The following GPC5 variants were observed in gnomAD, a reference collection of about 807,000 sequenced individuals.
The protein encoded by GPC5 is glypican-5.
In GPC5, 47 loss-of-function variants were observed where a neutral mutation model predicts 53.9. That is an observed-to-expected ratio of 0.87 (90% CI 0.69 to 1.11). The LOEUF (loss-of-function observed/expected upper bound fraction) is 1.11, where lower values mean the gene tolerates loss of function less well. Ranked by LOEUF, GPC5 falls within the 50% of genes most tolerant of loss-of-function variation. The probability of loss-of-function intolerance (pLI) is 0.00; values close to 1 mark genes in which losing one functional copy is unlikely to be tolerated. For missense variants in GPC5, 748 were observed against 713.1 expected (o/e 1.05, Z -0.56); for synonymous variants, 286 against 263.3 (o/e 1.09, Z -0.84).
At position 91,652,571 on chromosome 13, in the gene GPC5, A is replaced by T. The variant is rs112897375; in HGVS notation, c.326-40616A>T. 2.1e-3 allele frequency among the ~76,000 whole-genome samples: 321 copies of T among 152,290 alleles called. 2 individuals carry two copies. The highest frequency in any genetic ancestry group is 7.1e-3 in the African/African-American group (297 of 41,564). On this transcript the variant is annotated intron_variant, in intron 2 of 7. Transcript: ENST00000377067. The stretch of plus-strand genomic sequence containing the variant: ...GGCTAAGCAACTAAACGCAGGTAGG[A>T]TATACAGCACAAAGGGATGATTCAT...
In GPC5 at chr13:91,442,056, T is replaced by C. The variant is rs183296633; in HGVS notation, c.164-6705T>C. Reference sequence around the variant, plus strand: ...TGTTGAAATAAATGGAGAATGTGTGTTATCAACCAGCAATCCTACCTTAAA... The same window carrying C: ...TGTTGAAATAAATGGAGAATGTGTGCTATCAACCAGCAATCCTACCTTAAA... On this transcript the variant is annotated intron_variant, in intron 1 of 7. Coordinates refer to ENST00000377067, the MANE Select transcript of GPC5 (RefSeq NM_004466.6). Among the ~76,000 whole-genome samples the C allele has an allele frequency of 1.6e-3, 241 of 152,346 alleles. 1 individual carries two copies. Among genetic ancestry groups the C allele is most frequent in the African/African-American group, 5.5e-3 (228 of 41,580 alleles).
At chr13:91,448,278 A>G (rs1880940129) in intron 1 of GPC5, among the ~76,000 whole-genome samples, 1 of 152,238 alleles carries the variant, frequency 6.6e-6, no homozygotes, top group South Asian at 2.1e-4. Flanking sequence ...CTACTTCACA[A>G]GCAGCACGAG....
At chr13:91,981,772 A>G (rs1268148700) in intron 6 of GPC5, among the ~76,000 whole-genome samples, 1 of 152,188 alleles carries the variant, frequency 6.6e-6, no homozygotes, top group Non-Finnish European at 1.5e-5. Context: ...ATAATAATTC[A>G]TAGTTGGGAC....
intron 7 of GPC5, among the ~76,000 whole-genome samples, chr13:92,193,197 A>G (rs4773675): frequency 0.5 from 75,615 of 151,980 alleles, 19,317 homozygotes; most frequent in Middle Eastern, 0.68. Context: ...TAAAAAATAT[A>G]TTGCATATTA....
At chr13:91,729,946 C>T (rs1278119357) in intron 4 of GPC5, among the ~76,000 whole-genome samples, 6 of 152,138 alleles carry the variant, frequency 3.9e-5, no homozygotes, top group African/African-American at 7.2e-5. Flanking sequence ...CAATAAGGGG[C>T]TCATACAAGT....
At chr13:91,417,565 C>T (rs967971490) in intron 1 of GPC5, among the ~76,000 whole-genome samples, 1 of 152,088 alleles carries the variant, frequency 6.6e-6, no homozygotes, top group Admixed American at 6.6e-5. Flanking sequence ...GAGGAGTACA[C>T]TAAGTTGTTT....
chr13:91,571,892 T>TGTGTATACGCAC, intron 2 of GPC5, among the ~76,000 whole-genome samples: 1 of 73,046 alleles, frequency 1.4e-5, no homozygotes, highest in African/African-American at 1.0e-4. Context: ...TATACGTGTG[T>TGTGTATACGCAC]ATATACACAT....
intron 2 of GPC5, among the ~76,000 whole-genome samples, chr13:91,515,439 G>T (rs1305361457): frequency 6.6e-6 from 1 of 152,106 alleles, no homozygotes; most frequent in African/African-American, 2.4e-5. Flanking sequence ...ATGACATTCA[G>T]TCCTTGAATA....
At chr13:91,922,308 T>A (rs556283278) in intron 6 of GPC5, among the ~76,000 whole-genome samples, 148 of 152,042 alleles carry the variant, frequency 9.7e-4, no homozygotes, top group South Asian at 6.2e-4. Flanking sequence ...AAACTTTTTT[T>A]AAAAAAAACT....
chr13:91,748,820 T>C (rs1306616208), intron 4 of GPC5, among the ~76,000 whole-genome samples: 1 of 152,010 alleles, frequency 6.6e-6, no homozygotes, highest in Admixed American at 6.6e-5. Context: ...GAGAGTAAAG[T>C]AGGAGGAGAA....
At chr13:91,965,266 A>G (rs2040170307) in intron 6 of GPC5, among the ~76,000 whole-genome samples, 1 of 152,170 alleles carries the variant, frequency 6.6e-6, no homozygotes, top group Non-Finnish European at 1.5e-5. Context: ...TACCTAACTC[A>G]TAAGTACTCA....
rs2041872070 is a variant in GPC5 at position 92,147,003 on chromosome 13, G to A, written c.1561+2014G>A. 2.0e-5 allele frequency among the ~76,000 whole-genome samples: 3 copies of A among 152,006 alleles called. No homozygotes were observed. In the South Asian group the frequency reaches 6.2e-4, roughly 31 times the overall value. On this transcript the variant is annotated intron_variant, in intron 7 of 7. Coordinates refer to ENST00000377067, the MANE Select transcript of GPC5 (RefSeq NM_004466.6). ...TCTTAGGGCATAATGGATATAAATT[G>A]TATATTGATAAATGACGTGACGTGA...
chr13:92,140,342 TG>T (rs1325938038), intron 6 of GPC5, among the ~76,000 whole-genome samples: 2 of 152,168 alleles, frequency 1.3e-5, no homozygotes, highest in African/African-American at 2.4e-5. Context: ...TATGGAACCT[TG>T]ACTTCTGGGC....
At chr13:92,091,852 T>A (rs2138897471) in intron 6 of GPC5, among the ~76,000 whole-genome samples, 1 of 152,146 alleles carries the variant, frequency 6.6e-6, no homozygotes, top group South Asian at 2.1e-4. Flanking sequence ...GAGAAAGATA[T>A]TTACGTTCTT....
intron 7 of GPC5, among the ~76,000 whole-genome samples, chr13:92,211,085 A>G (rs1289488830): frequency 6.6e-6 from 1 of 152,164 alleles, no homozygotes; most frequent in African/African-American, 2.4e-5. Context: ...TTGGATAAAC[A>G]GGGCCTCAGA....
intron 7 of GPC5, among the ~76,000 whole-genome samples, chr13:92,761,244 C>T (rs1214993476): frequency 1.3e-5 from 2 of 152,144 alleles, no homozygotes; most frequent in Non-Finnish European, 1.5e-5. Context: ...TTATAGCACA[C>T]TGTAACATCA....
chr13:92,152,729 ACTCC>A (rs2041916032), intron 7 of GPC5, among the ~76,000 whole-genome samples: 2 of 129,636 alleles, frequency 1.5e-5, no homozygotes, highest in Admixed American at 8.1e-5. Context: ...ACAGAGTGAG[ACTCC>A]ATCTCAAAAA....
chr13:91,710,678 A>T (rs1043843806), intron 3 of GPC5, among the ~76,000 whole-genome samples: 8 of 152,194 alleles, frequency 5.3e-5, no homozygotes, highest in African/African-American at 1.9e-4. Context: ...AGGCAGCCCA[A>T]GCTGCCCAGG....
Position 92,628,243 on chromosome 13 carries a change from C to A in GPC5, c.1562-238039C>A, listed in dbSNP as rs185049381. On this transcript the variant is annotated intron_variant, in intron 7 of 7. Transcript: ENST00000377067. ...TATTCTTGAGAATCAATCCTATTTTCTTTTCTTTTTCTTTTTCTTTCTTTT... is the reference window on the plus strand; with the variant it reads ...TATTCTTGAGAATCAATCCTATTTTATTTTCTTTTTCTTTTTCTTTCTTTT... Among the ~76,000 whole-genome samples, 4 of 71,472 alleles carry A rather than the reference C, an allele frequency of 5.6e-5. No homozygotes were observed. In the South Asian group the frequency reaches 1.5e-3, roughly 26 times the overall value. The allele number at this position is 71,472 out of a possible 152,430, so 46.9% of individuals were successfully genotyped here.
Sources: gnomAD v4.1 joint callset for allele counts (sites outside exome capture counted in the v4.1 genomes callset) on GRCh38, gnomAD v4.1.1 for gene constraint, MANE v1.5 for transcripts, NCBI Gene and HGNC (gene_info 2026-07-23, HGNC 2026-07-21) for gene names.